Variants in KANK1 observed in about 807,000 individuals in gnomAD.
KANK1 encodes KN motif and ankyrin repeat domain-containing protein 1.
In KANK1, 109 loss-of-function variants were observed where a neutral mutation model predicts 106.2. The observed-to-expected ratio is 1.03, with a 90% CI of 0.88 to 1.20. The LOEUF (loss-of-function observed/expected upper bound fraction) is 1.20, where lower values mean the gene tolerates loss of function less well. KANK1 is among the 50% of genes most tolerant of loss of function. The pLI is 0.00. For missense variants in KANK1, 2,399 were observed against 1,710.7 expected (o/e 1.40, Z -7.10); for synonymous variants, 873 against 652.2 (o/e 1.34, Z -5.16).
At chr9:694,921 A>T (rs1251927440) in intron 2 of KANK1, among the ~76,000 whole-genome samples, 2 of 152,096 alleles carry the variant, frequency 1.3e-5, no homozygotes, top group African/African-American at 4.8e-5. Flanking sequence ...ACCTGCCGTG[A>T]TTCATTTTTC....
chr9:572,107 C>G (rs893819732), intron 1 of KANK1, among the ~76,000 whole-genome samples: 3 of 150,956 alleles, frequency 2.0e-5, no homozygotes, highest in African/African-American at 4.9e-5. Flanking sequence ...AATGTTTTCC[C>G]TCCACTAATA....
intron 1 of KANK1, among the ~76,000 whole-genome samples, chr9:643,428 T>A (rs1275360389): frequency 6.6e-6 from 1 of 150,874 alleles, no homozygotes; most frequent in Non-Finnish European, 1.5e-5. Context: ...TTGTTGTTGT[T>A]TAATACCTAC....
chr9:738,592 TTCTC>T lies in KANK1; in HGVS notation c.3553+90_3553+93del, dbSNP rs1236855319. ...AGAACCTGGTTGAGCCACTCCTGAA[TTCTC>T]TGACCATGCTAAAATCCTTTTTATT... On this transcript the variant is annotated intron_variant, in intron 8 of 11. Transcript: ENST00000382297. 4.0e-6 allele frequency: 4 copies of T among 1,007,048 alleles called. No homozygotes were observed. The East Asian group carries it at 7.2e-5, about 18-fold the overall frequency. The allele number at this position is 1,007,048 out of a possible 1,614,324, so 62.4% of individuals were successfully genotyped here.
intron 3 of KANK1, among the ~76,000 whole-genome samples, chr9:716,912 A>G (rs1432503202): frequency 1.4e-5 from 2 of 148,114 alleles, no homozygotes; most frequent in Admixed American, 1.3e-4. Flanking sequence ...CAGGAGGTTG[A>G]TTTGAGGCTG....
chr9:627,221 T>G (rs1252290474), intron 1 of KANK1, among the ~76,000 whole-genome samples: 1 of 152,156 alleles, frequency 6.6e-6, no homozygotes. Context: ...CAGAAACCTG[T>G]GATGGATGAG....
intron 1 of KANK1, among the ~76,000 whole-genome samples, chr9:582,439 T>C (rs1588015510): frequency 6.6e-6 from 1 of 152,134 alleles, no homozygotes; most frequent in Non-Finnish European, 1.5e-5. Flanking sequence ...CAATGGGTAG[T>C]CTAGTTCTGT....
chr9:649,372 C>G (rs557915574), intron 1 of KANK1, among the ~76,000 whole-genome samples: 1 of 152,274 alleles, frequency 6.6e-6, no homozygotes, highest in South Asian at 2.1e-4. Context: ...CTCACCTTAT[C>G]TGGTCACCCT....
chr9:546,491 G>A (rs1024878418), intron 1 of KANK1, among the ~76,000 whole-genome samples: 4 of 152,060 alleles, frequency 2.6e-5, no homozygotes, highest in African/African-American at 7.2e-5. Flanking sequence ...GGTGATAGCT[G>A]GAGGTGGGTG....
intron 10 of KANK1, 47 bp from the exon 11 acceptor site, chr9:744,434 GGTTGTCTGGA>G: frequency 6.4e-7 from 1 of 1,565,188 alleles, no homozygotes; most frequent in Admixed American, 1.8e-5. Flanking sequence ...GTTACCTTTC[GGTTGTCTGGA>G]GGTTTGAGAA....
intron 1 of KANK1, among the ~76,000 whole-genome samples, chr9:557,107 T>C (rs1222223664): frequency 6.6e-6 from 1 of 150,546 alleles, no homozygotes; most frequent in African/African-American, 2.4e-5. Context: ...CACATGAGCC[T>C]GAGAGGTTGA....
chr9:606,154 C>G (rs1829062320), intron 1 of KANK1, among the ~76,000 whole-genome samples: 1 of 148,342 alleles, frequency 6.7e-6, no homozygotes, highest in African/African-American at 2.5e-5. Context: ...CACACACACA[C>G]ACACACACAC....
chr9:706,836 C>A (rs916200920), intron 2 of KANK1: 2 of 985,244 alleles, frequency 2.0e-6, no homozygotes, highest in East Asian at 2.3e-4. Flanking sequence ...CTCAGGTGAC[C>A]GAGGGCTGGG....
Position 711,829 on chromosome 9 carries a change from G to T in KANK1, c.1063G>T (p.Glu355Ter). The stretch of plus-strand genomic sequence containing the variant: ...CATTGACTATGAGGAGGAAGAAATG[G>T]AGACCGTAGAACAGAGCACGCAGAG... ...LYIDYEEEEM[E>*]TVEQSTQRIK... Residue 355 changes from glutamate to a stop codon, truncating the protein, a stop_gained, in exon 3 of 12, where the codon GAG (glutamate) becomes TAG (stop). Transcript: ENST00000382297. LOFTEE classifies it high-confidence loss of function. 3.7e-6 allele frequency: 6 copies of T among 1,614,164 alleles called. No homozygotes were observed. The highest frequency in any genetic ancestry group is 5.1e-6 in the Non-Finnish European group (6 of 1,180,028).
At position 485,483 on chromosome 9, in the gene KANK1, G is replaced by A. The variant is rs185335386; in HGVS notation, c.-362+12210G>A. 2.5e-3 allele frequency among the ~76,000 whole-genome samples: 381 copies of A among 152,234 alleles called. 1 individual carries two copies. The highest frequency in any genetic ancestry group is 4.1e-3 in the Non-Finnish European group (277 of 68,020). On this transcript the variant is annotated intron_variant, in intron 3 of 15. Transcript: ENST00000382303. ...AGGAAACTTTAGCAGAGTTATTGAG[G>A]AAAATTCACCTGTTCCTTTTGTCTG...
At chr9:589,719 G>A (rs1329344378) in intron 1 of KANK1, among the ~76,000 whole-genome samples, 1 of 152,100 alleles carries the variant, frequency 6.6e-6, no homozygotes, top group African/African-American at 2.4e-5. Context: ...GAGGGCTGAA[G>A]GATTGTGGCC....
intron 1 of KANK1, among the ~76,000 whole-genome samples, chr9:541,931 T>C (rs2060625644): frequency 6.7e-6 from 1 of 149,762 alleles, no homozygotes; most frequent in Admixed American, 6.7e-5. Context: ...CTACTAAAAA[T>C]ACAAAAAATT....
chr9:628,891 CA>C (rs1421403748), intron 1 of KANK1, among the ~76,000 whole-genome samples: 6 of 151,666 alleles, frequency 4.0e-5, no homozygotes, highest in African/African-American at 1.2e-4. Context: ...CCAGCCTGGC[CA>C]ACATGGCGAA....
intron 3 of KANK1, among the ~76,000 whole-genome samples, chr9:485,288 GA>G (rs944285889): frequency 2.6e-5 from 4 of 152,138 alleles, no homozygotes; most frequent in African/African-American, 4.8e-5. Context: ...GTGATACAAG[GA>G]AACTGTTTTT....
intron 1 of KANK1, among the ~76,000 whole-genome samples, chr9:620,649 G>C (rs1309626143): frequency 6.6e-6 from 1 of 151,976 alleles, no homozygotes; most frequent in East Asian, 1.9e-4. Context: ...TCATGATCCA[G>C]CTGCCTTGGC....
Sources: allele counts gnomAD v4.1 joint callset (sites outside exome capture counted in the v4.1 genomes callset), GRCh38; gene constraint gnomAD v4.1.1; transcripts MANE v1.5; gene names NCBI Gene and HGNC (gene_info 2026-07-23, HGNC 2026-07-21).